Variants in SPOCK1 observed in about 807,000 individuals in gnomAD.
SPOCK1 encodes the protein testican-1.
SPOCK1 carries 23 observed loss-of-function variants against 55.3 expected under a neutral mutation model. The ratio of observed to expected loss-of-function variants is 0.42; its 90% confidence interval spans 0.30 to 0.59. The LOEUF (loss-of-function observed/expected upper bound fraction) is 0.59, where lower values mean the gene tolerates loss of function less well. Among genes scored for constraint, SPOCK1 ranks in the 20% least tolerant of loss-of-function variants. SPOCK1 has a pLI of 0.22. For synonymous variants in SPOCK1, 226 were observed against 221.0 expected, an observed-to-expected ratio of 1.02 and a Z score of -0.20; for missense variants, 499 against 552.5, an observed-to-expected ratio of 0.90 and a Z score of 0.97.
intron 2 of SPOCK1, among the ~76,000 whole-genome samples, chr5:137,448,909 G>A (rs1175814215): frequency 6.6e-6 from 1 of 152,202 alleles, no homozygotes; most frequent in African/African-American, 2.4e-5. Context: ...AGAGAAGAAG[G>A]TCTGCCCTTC....
chr5:137,081,362 G>T (rs1752875374), intron 5 of SPOCK1, among the ~76,000 whole-genome samples: 2 of 152,152 alleles, frequency 1.3e-5, no homozygotes, highest in African/African-American at 4.8e-5. Context: ...ATCCCTGGTT[G>T]CCCCCAGTGT....
At position 136,977,892 on chromosome 5, in the gene SPOCK1, G is replaced by C; in HGVS notation, c.*762C>G. 2.5e-6 allele frequency: 1 copy of C among 398,872 alleles called. No homozygotes were observed. Among genetic ancestry groups the C allele is most frequent in the Non-Finnish European group, 4.4e-6 (1 of 226,038 alleles). 24.7% of individuals were successfully genotyped at this position (398,872 alleles called of 1,614,324 possible). A position where few individuals can be genotyped will look rare whatever the true frequency, so the allele number is the denominator to read the frequency against. On this transcript the variant is annotated 3_prime_UTR_variant, in exon 11 of 11. Coordinates refer to ENST00000394945, the MANE Select transcript of SPOCK1 (RefSeq NM_004598.4). ...GAAATTTTGTTCCAGGTCTGGACAA[G>C]CTGAGAAATTTATCATTGTTTTTCG...
chr5:137,455,641 A>G lies in SPOCK1; in HGVS notation c.186+42732T>C, dbSNP rs143033492. On this transcript the variant is annotated intron_variant, in intron 2 of 10. Coordinates refer to ENST00000394945, the MANE Select transcript of SPOCK1 (RefSeq NM_004598.4). ...TAACAGGTTGCTTCTTGTCTCTAAT[A>G]CCTGCAGCACTGGGGATCTGACACA... Among the ~76,000 whole-genome samples the G allele has an allele frequency of 3.4e-3, 514 of 152,206 alleles. 2 individuals are homozygous for G. Among genetic ancestry groups the G allele is most frequent in the Middle Eastern group, 3.4e-3 (1 of 294 alleles).
chr5:137,071,421 C>T lies in SPOCK1; in HGVS notation c.475-3592G>A, dbSNP rs1383679261. ...TACCAGGAAGATAGGGGTCACCTCCCCAGGGAAGGCAGCAGGACTGGTCAG... is the reference window on the plus strand; with the variant it reads ...TACCAGGAAGATAGGGGTCACCTCCTCAGGGAAGGCAGCAGGACTGGTCAG... On this transcript the variant is annotated intron_variant, in intron 5 of 10. Transcript: ENST00000394945. 2.0e-5 allele frequency among the ~76,000 whole-genome samples: 3 copies of T among 152,062 alleles called. No homozygotes were observed. The East Asian group carries it at 5.8e-4, about 29-fold the overall frequency.
At chr5:137,087,529 A>G in intron 5 of SPOCK1, among the ~76,000 whole-genome samples, 1 of 152,358 alleles carries the variant, frequency 6.6e-6, no homozygotes, top group Non-Finnish European at 1.5e-5. Flanking sequence ...TCACTAAAAG[A>G]GCTACCTCCA....
In SPOCK1 at chr5:137,173,370, G is replaced by A. The variant is rs900885725; in HGVS notation, c.233-32676C>T. Among the ~76,000 whole-genome samples the A allele has an allele frequency of 3.9e-5, 6 of 152,062 alleles. No homozygotes were observed. In the East Asian group the frequency reaches 5.8e-4, roughly 15 times the overall value. On this transcript the variant is annotated intron_variant, in intron 3 of 10. Transcript: ENST00000394945. ...CTGGTAGTTCTGTGAACCTGTCATC[G>A]TAATAAATCAACTTTTTCTTAACCA...
At chr5:137,207,295 G>A (rs1343426480) in intron 3 of SPOCK1, among the ~76,000 whole-genome samples, 1 of 152,250 alleles carries the variant, frequency 6.6e-6, no homozygotes, top group African/African-American at 2.4e-5. Context: ...AGGCCCACCA[G>A]CAGGGAGCCT....
intron 2 of SPOCK1, among the ~76,000 whole-genome samples, chr5:137,342,225 G>C (rs904404100): frequency 9.2e-5 from 14 of 152,192 alleles, no homozygotes; most frequent in African/African-American, 3.4e-4. Context: ...GGCCCTCCTT[G>C]CTAGGTATGC....
chr5:137,281,944 G>A (rs1757171982), intron 2 of SPOCK1, among the ~76,000 whole-genome samples: 1 of 152,182 alleles, frequency 6.6e-6, no homozygotes, highest in Non-Finnish European at 1.5e-5. Context: ...AACAGCTATG[G>A]CAGTTTTTTA....
intron 5 of SPOCK1, among the ~76,000 whole-genome samples, chr5:137,084,704 TA>T (rs1046928532): frequency 6.6e-6 from 1 of 151,620 alleles, no homozygotes; most frequent in East Asian, 1.9e-4. Context: ...TTACCAAGCC[TA>T]AAAAAACCCA....
At chr5:137,135,822 T>C (rs1753973103) in intron 4 of SPOCK1, among the ~76,000 whole-genome samples, 1 of 152,218 alleles carries the variant, frequency 6.6e-6, no homozygotes, top group African/African-American at 2.4e-5. Flanking sequence ...ATCAATAGCC[T>C]ATTTCTTTTT....
At chr5:137,095,261 G>A (rs1412383251) in intron 5 of SPOCK1, among the ~76,000 whole-genome samples, 1 of 152,144 alleles carries the variant, frequency 6.6e-6, no homozygotes, top group Non-Finnish European at 1.5e-5. Context: ...GTGACACAGG[G>A]ACATGAAGTG....
intron 3 of SPOCK1, among the ~76,000 whole-genome samples, chr5:137,179,663 G>T (rs900817597): frequency 3.3e-5 from 5 of 152,166 alleles, no homozygotes; most frequent in Non-Finnish European, 7.3e-5. Flanking sequence ...AGCAGAGATT[G>T]AGGGGAACTC....
At chr5:137,090,167 T>G (rs1232320732) in intron 5 of SPOCK1, among the ~76,000 whole-genome samples, 5 of 152,026 alleles carry the variant, frequency 3.3e-5, no homozygotes, top group African/African-American at 1.2e-4. Flanking sequence ...AAGCTGCTAG[T>G]TTAAGGTTGT....
rs968528544 is a variant in SPOCK1 at position 137,449,273 on chromosome 5, C to G, written c.186+49100G>C. 3.9e-5 allele frequency among the ~76,000 whole-genome samples: 6 copies of G among 152,224 alleles called. No homozygotes were observed. The South Asian group carries it at 1.0e-3, about 26-fold the overall frequency. ...TCTCCTTGACCAGACACAGGCAATC[C>G]TGGACCATGTGTCAGGAACATGTAC... On this transcript the variant is annotated intron_variant, in intron 2 of 10. Transcript: ENST00000394945.
chr5:137,036,767 G>A (rs889911656), intron 6 of SPOCK1, among the ~76,000 whole-genome samples: 4 of 152,186 alleles, frequency 2.6e-5, no homozygotes, highest in Non-Finnish European at 5.9e-5. Context: ...CTGCTGCCCT[G>A]AGCACTGCCC....
intron 5 of SPOCK1, 83 bp downstream of exon 5, chr5:137,112,352 A>C: frequency 6.5e-7 from 1 of 1,541,892 alleles, no homozygotes; most frequent in Non-Finnish European, 8.7e-7. Flanking sequence ...CACGCTTCCC[A>C]AGCCCCAGTT....
intron 3 of SPOCK1, among the ~76,000 whole-genome samples, chr5:137,246,599 T>C (rs545557487): frequency 6.6e-6 from 1 of 152,308 alleles, no homozygotes; most frequent in South Asian, 2.1e-4. Context: ...AATTTTGCTA[T>C]TCGCTTTGTA....
intron 2 of SPOCK1, among the ~76,000 whole-genome samples, chr5:137,423,660 G>A (rs898704656): frequency 1.3e-5 from 2 of 152,326 alleles, no homozygotes; most frequent in East Asian, 1.9e-4. Flanking sequence ...GGAGTGACCC[G>A]ATTTTCCAGG....
Sources: gnomAD v4.1 joint callset for allele counts (sites outside exome capture counted in the v4.1 genomes callset) on GRCh38, gnomAD v4.1.1 for gene constraint, MANE v1.5 for transcripts, NCBI Gene and HGNC (gene_info 2026-07-23, HGNC 2026-07-21) for gene names.